WDFY2: variants seen among roughly 807,000 people sequenced by gnomAD.
The protein encoded by WDFY2 is WD repeat and FYVE domain-containing protein 2.
Under a neutral mutation model 56.4 loss-of-function variants are expected in WDFY2, and 36 were observed. The observed-to-expected ratio is 0.64, with a 90% CI of 0.49 to 0.84. The LOEUF (loss-of-function observed/expected upper bound fraction) is 0.84, where lower values mean the gene tolerates loss of function less well. WDFY2 is among the 40% of genes least tolerant of loss of function. The pLI, the probability that WDFY2 is intolerant of heterozygous loss-of-function variation, is 0.00. For missense variants in WDFY2, 444 were observed against 512.2 expected (o/e 0.87, Z 1.29); for synonymous variants, 176 against 183.7 (o/e 0.96, Z 0.34).
intron 11 of WDFY2, 75 bp from the exon 12 acceptor site, chr13:51,759,665 G>A: frequency 6.8e-7 from 1 of 1,467,492 alleles, no homozygotes; most frequent in Non-Finnish European, 9.4e-7. Context: ...AAATTTCCTT[G>A]AAGAATTCAG....
chr13:51,650,720 T>G (rs900009949), intron 1 of WDFY2, among the ~76,000 whole-genome samples: 5 of 152,212 alleles, frequency 3.3e-5, no homozygotes, highest in Admixed American at 1.3e-4. Flanking sequence ...TTACGTTAAT[T>G]GATTTGCGTA....
chr13:51,680,676 G>A (rs1227767521), intron 3 of WDFY2, among the ~76,000 whole-genome samples: 2 of 152,092 alleles, frequency 1.3e-5, no homozygotes, highest in African/African-American at 4.8e-5. Flanking sequence ...AAGTATCCAA[G>A]GATATTAAAA....
rs1953385775 is a variant in WDFY2, at chr13:51,756,436, C to T, written c.1038C>T (p.Ser346=). The T allele has an allele frequency of 1.2e-6, 2 of 1,614,032 alleles. No individual in the cohort carries two copies. Among genetic ancestry groups the T allele is most frequent in the South Asian group, 2.2e-5 (2 of 91,088 alleles). The change falls in exon 10 of 12, where the codon AGC becomes AGT. Residue 346 remains serine (S), a synonymous_variant. Transcript: ENST00000298125. ...GFEFEVRVCD[S]CHEAITDEER... is the part of the protein sequence containing the mutation. ...AGTTTGAAGTGAGGGTCTGTGACAG[C>T]TGCCACGAGGCCATCACAGATGAAG...
chr13:51,733,064 C>T (rs1254074586), intron 6 of WDFY2, among the ~76,000 whole-genome samples: 1 of 152,198 alleles, frequency 6.6e-6, no homozygotes, highest in Non-Finnish European at 1.5e-5. Context: ...GAGACAGAGT[C>T]TTGCTCTGTC....
chr13:51,715,125 G>T (rs1281868566), intron 4 of WDFY2, among the ~76,000 whole-genome samples: 1 of 152,200 alleles, frequency 6.6e-6, no homozygotes, highest in Non-Finnish European at 1.5e-5. Flanking sequence ...GTGAGTGAAT[G>T]TGAAGGCCTT....
intron 1 of WDFY2, among the ~76,000 whole-genome samples, chr13:51,614,317 A>G (rs983531781): frequency 8.7e-4 from 133 of 152,304 alleles, no homozygotes; most frequent in Non-Finnish European, 1.4e-3. Flanking sequence ...TTATATGAAG[A>G]TGTTGAGTGA....
chr13:51,755,787 C>G (rs1205368109), intron 9 of WDFY2, among the ~76,000 whole-genome samples: 2 of 152,138 alleles, frequency 1.3e-5, no homozygotes, highest in Non-Finnish European at 2.9e-5. Context: ...TGGTGTTTCT[C>G]TCTCCTTATT....
chr13:51,686,854 CTCTT>C (rs1956069847), intron 3 of WDFY2, among the ~76,000 whole-genome samples: 1 of 151,790 alleles, frequency 6.6e-6, no homozygotes, highest in Admixed American at 6.6e-5. Context: ...CAATTAGCCT[CTCTT>C]TTTTTTTCTT....
intron 8 of WDFY2, among the ~76,000 whole-genome samples, chr13:51,754,986 G>C (rs1423573190): frequency 1.3e-5 from 2 of 152,074 alleles, no homozygotes; most frequent in Non-Finnish European, 2.9e-5. Context: ...CCCCATCTGT[G>C]CTCCAGCCAT....
chr13:51,685,673 G>A (rs900154069), intron 3 of WDFY2, among the ~76,000 whole-genome samples: 5 of 152,144 alleles, frequency 3.3e-5, no homozygotes, highest in Non-Finnish European at 7.4e-5. Context: ...AGAGGGGTTG[G>A]TTTCAGGGGT....
At chr13:51,648,485 G>A (rs1012863233) in intron 1 of WDFY2, among the ~76,000 whole-genome samples, 15 of 152,146 alleles carry the variant, frequency 9.9e-5, no homozygotes, top group African/African-American at 3.6e-4. Context: ...TATCAAATAT[G>A]GTAAAATGTG....
intron 1 of WDFY2, among the ~76,000 whole-genome samples, chr13:51,585,122 C>A (rs1208110581): frequency 6.6e-6 from 1 of 152,178 alleles, no homozygotes; most frequent in East Asian, 1.9e-4. Flanking sequence ...TGGTCCATCC[C>A]TGAGGACAGG....
intron 7 of WDFY2, among the ~76,000 whole-genome samples, chr13:51,743,581 C>T (rs1392867675): frequency 4.6e-5 from 7 of 152,298 alleles, no homozygotes; most frequent in Non-Finnish European, 5.9e-5. Flanking sequence ...CTGTTTCTCT[C>T]TGTAGAATTT....
intron 4 of WDFY2, among the ~76,000 whole-genome samples, chr13:51,713,226 A>AT: frequency 6.6e-6 from 1 of 152,264 alleles, no homozygotes; most frequent in Non-Finnish European, 1.5e-5. Context: ...AAAACTAAAC[A>AT]AAATTTCAGT....
intron 3 of WDFY2, among the ~76,000 whole-genome samples, chr13:51,686,846 A>G (rs911309540): frequency 1.3e-5 from 2 of 152,004 alleles, no homozygotes; most frequent in African/African-American, 4.8e-5. Flanking sequence ...TAGCTTAGCA[A>G]TTAGCCTCTC....
chr13:51,652,340 G>A (rs1041512229), intron 1 of WDFY2, among the ~76,000 whole-genome samples: 1 of 152,138 alleles, frequency 6.6e-6, no homozygotes, highest in African/African-American at 2.4e-5. Flanking sequence ...CACACTGATA[G>A]GTCTTGACTC....
chr13:51,732,959 AGAGGCTTCTTTG>A (rs1952756042), intron 6 of WDFY2, among the ~76,000 whole-genome samples: 1 of 152,232 alleles, frequency 6.6e-6, no homozygotes, highest in East Asian at 1.9e-4. Context: ...TGATGTGCAC[AGAGGCTTCTTTG>A]GAAGCAAATA....
intron 7 of WDFY2, among the ~76,000 whole-genome samples, chr13:51,743,750 AG>A (rs1395393543): frequency 1.3e-5 from 2 of 152,200 alleles, no homozygotes; most frequent in Admixed American, 1.3e-4. Context: ...AAATAGGCAA[AG>A]GTGGCACCGT....
In WDFY2 at chr13:51,724,244, T is replaced by C. The variant is rs576411708; in HGVS notation, c.486-3434T>C. ...TGTCTTTTTTAACTTTTTTTTTTTT[T>C]TTTTTTTTTTGAGATGGCGTTTCAC... is the stretch of plus-strand genomic sequence containing the variant. On this transcript the variant is annotated intron_variant, in intron 5 of 11. Transcript: ENST00000298125. Among the ~76,000 whole-genome samples the C allele has an allele frequency of 4.0e-3, 586 of 146,146 alleles. 1 individual carries two copies. Among genetic ancestry groups the C allele is most frequent in the African/African-American group, 0.014 (569 of 39,662 alleles).
Sources: allele counts gnomAD v4.1 joint callset (sites outside exome capture counted in the v4.1 genomes callset), GRCh38; gene constraint gnomAD v4.1.1; transcripts MANE v1.5; gene names NCBI Gene and HGNC (gene_info 2026-07-23, HGNC 2026-07-21).